Variants in PCDHGA9 observed in about 807,000 individuals in gnomAD.
The protein encoded by PCDHGA9 is protocadherin gamma-A9.
A neutral mutation model predicts 62.5 loss-of-function variants in PCDHGA9; 37 were observed. The ratio of observed to expected loss-of-function variants is 0.59; its 90% CI spans 0.46 to 0.78. The LOEUF (loss-of-function observed/expected upper bound fraction) is 0.78. Among genes scored for constraint, PCDHGA9 ranks in the 30% least tolerant of loss-of-function variants. The probability of loss-of-function intolerance (pLI) is 0.00; values close to 1 mark genes in which losing one functional copy is unlikely to be tolerated. For synonymous variants in PCDHGA9, 459 were observed against 484.6 expected (o/e 0.95, Z 0.69); for missense variants, 1,138 against 1,166.2 (o/e 0.98, Z 0.35).
intron 1 of PCDHGA9, among the ~76,000 whole-genome samples, chr5:141,451,435 G>T (rs947210577): frequency 6.6e-6 from 1 of 152,234 alleles, no homozygotes; most frequent in Non-Finnish European, 1.5e-5. Flanking sequence ...AAGGGTTCCA[G>T]TTCCTTGCTG....
chr5:141,476,922 C>T lies in PCDHGA9; in HGVS notation c.2425-17885C>T. 4 of 1,614,120 alleles carry T rather than the reference C, an allele frequency of 2.5e-6. No individual in the cohort carries two copies. Among genetic ancestry groups the T allele is most frequent in the Non-Finnish European group, 2.5e-6 (3 of 1,180,050 alleles). On this transcript the variant is annotated intron_variant, in intron 1 of 3. Transcript: ENST00000573521. The surrounding 1 kb of genome is among the most constrained non-coding windows in gnomAD (Gnocchi z 7.6). ...ACGCGCGTGGTACAAGTCCTTGCAA[C>T]GGATCTGGATGAAGGCCCCAACGGT...
rs1340692426 is a variant in PCDHGA9 at position 141,485,025 on chromosome 5, A to C, written c.2425-9782A>C. ...CAAATCTACCCCGCCACCAGCAAAAACGGCGCGTAACCCTTGCGGCGCCGG... is the reference window on the plus strand; with the variant it reads ...CAAATCTACCCCGCCACCAGCAAAACCGGCGCGTAACCCTTGCGGCGCCGG... On this transcript the variant is annotated intron_variant, in intron 1 of 3. Transcript: ENST00000573521. This position sits in a 1 kb window ranked among gnomAD's most constrained non-coding sequence, Gnocchi z 5.7. 2 of 657,796 alleles carry C rather than the reference A, an allele frequency of 3.0e-6. No homozygotes were observed. The highest frequency in any genetic ancestry group is 5.4e-6 in the Non-Finnish European group (2 of 369,210). The allele number at this position is 657,796 out of a possible 1,614,324, so 40.7% of individuals were successfully genotyped here.
chr5:141,421,695 T>C (rs374319762), intron 1 of PCDHGA9: 15 of 1,613,840 alleles, frequency 9.3e-6, no homozygotes, highest in Non-Finnish European at 1.2e-5. Context: ...TTGCTCTTCC[T>C]AATGCTAGGG....
intron 1 of PCDHGA9, chr5:141,419,997 T>C: frequency 2.5e-6 from 4 of 1,614,088 alleles, no homozygotes; most frequent in Non-Finnish European, 3.4e-6. Flanking sequence ...GCTATTGCTC[T>C]ACGCCTGCGA....
At position 141,510,984 on chromosome 5, in the gene PCDHGA9, C is replaced by T. The variant is rs375865663; in HGVS notation, c.2610C>T (p.Ala870=). The change falls in exon 4 of 4, where the codon GCC becomes GCT. Residue 870 remains alanine (A), a synonymous_variant. Coordinates refer to ENST00000573521, the MANE Select transcript of PCDHGA9 (RefSeq NM_018921.3). ...GGAGCTCCACCCTGGGAGGGGGTGC[C>T]GGCACCATGGGATTGAGCGCCCGCT... The part of the protein sequence containing the change: ...ADGSSTLGGG[A]GTMGLSARYG... 20 of 1,614,044 alleles carry T rather than the reference C, an allele frequency of 1.2e-5. No homozygotes were observed. The East Asian group carries it at 1.6e-4, about 13-fold the overall frequency.
intron 1 of PCDHGA9, chr5:141,413,033 T>C: frequency 1.3e-6 from 1 of 776,760 alleles, no homozygotes; most frequent in Non-Finnish European, 2.0e-6. Context: ...ACAAACCGGC[T>C]GCTGGGCTGC....
At chr5:141,481,229 A>T (rs989963485) in intron 1 of PCDHGA9, among the ~76,000 whole-genome samples, 1 of 152,212 alleles carries the variant, frequency 6.6e-6, no homozygotes, top group Non-Finnish European at 1.5e-5. Flanking sequence ...TCCCAGCCTT[A>T]AAGTATTACA....
At position 141,485,044 on chromosome 5, in the gene PCDHGA9, G is replaced by A; in HGVS notation, c.2425-9763G>A. 2 of 737,674 alleles carry A rather than the reference G, an allele frequency of 2.7e-6. No individual in the cohort carries two copies. The highest frequency in any genetic ancestry group is 1.8e-5 in the African/African-American group (1 of 56,792). The allele number at this position is 737,674 out of a possible 1,614,324, so 45.7% of individuals were successfully genotyped here. A position where few individuals can be genotyped will look rare whatever the true frequency, so the allele number is the denominator to read the frequency against. ...GCAAAAACGGCGCGTAACCCTTGCG[G>A]CGCCGGCCGAACCGCGCCAGAGCTG... On this transcript the variant is annotated intron_variant, in intron 1 of 3. Coordinates refer to ENST00000573521, the MANE Select transcript of PCDHGA9 (RefSeq NM_018921.3). This position sits in a 1 kb window ranked among gnomAD's most constrained non-coding sequence, Gnocchi z 5.7.
rs770596172 is a variant in PCDHGA9, at chr5:141,487,664, G to A, written c.2425-7143G>A. ...AATGCTTGAGGGTTATTCTGATCCA[G>A]GCATATGGCTAGGCCATGTCCTAGA... On this transcript the variant is annotated intron_variant, in intron 1 of 3. Transcript: ENST00000573521. The surrounding 1 kb of genome is among the most constrained non-coding windows in gnomAD (Gnocchi z 5.0). 1.9e-5 allele frequency: 31 copies of A among 1,613,048 alleles called. No individual in the cohort carries two copies. The South Asian group carries it at 3.4e-4, about 18-fold the overall frequency.
rs371499368 is a variant in PCDHGA9 at position 141,414,269 on chromosome 5, C to T, written c.2424+8893C>T. The stretch of plus-strand genomic sequence containing the variant: ...TTTAGTCCAGTGACTGAAGATTCAC[C>T]TCTGGGAACAGTCGTAGCCCTTTTA... On this transcript the variant is annotated intron_variant, in intron 1 of 3. Coordinates refer to ENST00000573521, the MANE Select transcript of PCDHGA9 (RefSeq NM_018921.3). 8.1e-6 allele frequency: 13 copies of T among 1,613,266 alleles called. No homozygotes were observed. The African/African-American group carries it at 1.6e-4, about 20-fold the overall frequency.
chr5:141,415,740 GTTTTTTTTTTTTTTTTTT>G (rs57426385), intron 1 of PCDHGA9: 9 of 625,028 alleles, frequency 1.4e-5, no homozygotes, highest in African/African-American at 5.0e-5. Flanking sequence ...GTTTATTAAG[GTTTTTTTTTTTTTTTTTT>G]TTTTTTTTTT....
At chr5:141,414,834 C>T in intron 1 of PCDHGA9, 1 of 1,614,252 alleles carries the variant, frequency 6.2e-7, no homozygotes, top group South Asian at 1.1e-5. Context: ...TGTCGTTGAG[C>T]CTGTTTGTGC....
At chr5:141,453,175 A>G (rs928062909) in intron 1 of PCDHGA9, among the ~76,000 whole-genome samples, 2 of 152,088 alleles carry the variant, frequency 1.3e-5, no homozygotes, top group African/African-American at 4.8e-5. Context: ...GTCCAGTGGT[A>G]CAATCACAGC....
In PCDHGA9 at chr5:141,419,332, C is replaced by T. The variant is rs1356380695; in HGVS notation, c.2424+13956C>T. On this transcript the variant is annotated intron_variant, in intron 1 of 3. Transcript: ENST00000573521. Reference sequence around the variant, plus strand: ...TCAACGGCCGTGTCTCCTACTCTCTCATTGCCAGCGACCTGGAGTCACGAA... The same window carrying T: ...TCAACGGCCGTGTCTCCTACTCTCTTATTGCCAGCGACCTGGAGTCACGAA... 3.7e-6 allele frequency: 6 copies of T among 1,613,832 alleles called. No individual in the cohort carries two copies. The Admixed American group carries it at 8.3e-5, about 22-fold the overall frequency.
In PCDHGA9 at chr5:141,435,189, G is replaced by A. The variant is rs569176993; in HGVS notation, c.2424+29813G>A. Among the ~76,000 whole-genome samples the A allele has an allele frequency of 5.3e-5, 8 of 152,166 alleles. No homozygotes were observed. The South Asian group carries it at 8.3e-4, about 16-fold the overall frequency. On this transcript the variant is annotated intron_variant, in intron 1 of 3. Coordinates refer to ENST00000573521, the MANE Select transcript of PCDHGA9 (RefSeq NM_018921.3). ...GTGGCTTTTAACTACACTTGAGATGGCTAGCAAATTCATAAAGTGAATTTA... is the reference window on the plus strand; with the variant it reads ...GTGGCTTTTAACTACACTTGAGATGACTAGCAAATTCATAAAGTGAATTTA...
intron 1 of PCDHGA9, among the ~76,000 whole-genome samples, chr5:141,438,263 A>G (rs2097944986): frequency 6.6e-6 from 1 of 152,144 alleles, no homozygotes; most frequent in South Asian, 2.1e-4. Flanking sequence ...AAGAGACCAT[A>G]GAATCAAACA....
intron 1 of PCDHGA9, chr5:141,422,273 C>T: frequency 6.4e-7 from 1 of 1,560,808 alleles, no homozygotes; most frequent in Non-Finnish European, 8.6e-7. Flanking sequence ...CCAGAAATAA[C>T]TATCACCTCT....
chr5:141,407,371 T>C (rs2094921499), intron 1 of PCDHGA9, among the ~76,000 whole-genome samples: 1 of 152,222 alleles, frequency 6.6e-6, no homozygotes, highest in South Asian at 2.1e-4. Context: ...CAGATATCCA[T>C]GAAGGCTTGT....
chr5:141,433,514 G>C (rs1330494451), intron 1 of PCDHGA9, among the ~76,000 whole-genome samples: 1 of 152,016 alleles, frequency 6.6e-6, no homozygotes, highest in East Asian at 1.9e-4. Context: ...GATTACAGGC[G>C]TGAACCACAG....
Sources: gnomAD v4.1 joint callset for allele counts (sites outside exome capture counted in the v4.1 genomes callset) on GRCh38, gnomAD v4.1.1 for gene constraint, Gnocchi (gnomAD v3.1) non-coding constraint, MANE v1.5 for transcripts, NCBI Gene and HGNC (gene_info 2026-07-23, HGNC 2026-07-21) for gene names.